The following TMEM178B variants were observed in gnomAD, a reference collection of about 807,000 sequenced individuals.
TMEM178B encodes the protein transmembrane protein 178B.
In TMEM178B, 5 loss-of-function variants were observed where a neutral mutation model predicts 31.0. That is an observed-to-expected ratio of 0.16 (90% CI 0.08 to 0.34). The LOEUF (loss-of-function observed/expected upper bound fraction) is 0.34, where lower values mean the gene tolerates loss of function less well. Among genes scored for constraint, TMEM178B ranks in the 10% least tolerant of loss-of-function variants. TMEM178B has a pLI of 1.00. For missense variants in TMEM178B, 275 were observed against 400.3 expected (o/e 0.69, Z 2.67); for synonymous variants, 164 against 164.0 (o/e 1.00, Z 0.00).
intron 2 of TMEM178B, among the ~76,000 whole-genome samples, chr7:141,434,069 C>T (rs978245534): frequency 6.6e-6 from 1 of 152,210 alleles, no homozygotes. Flanking sequence ...GAATTATTGT[C>T]TTCATTTTGC....
intron 2 of TMEM178B, among the ~76,000 whole-genome samples, chr7:141,250,345 T>A (rs1016908163): frequency 6.6e-6 from 1 of 152,182 alleles, no homozygotes; most frequent in Non-Finnish European, 1.5e-5. Flanking sequence ...AAAATTGAAG[T>A]GCAGAGAGCT....
chr7:141,375,801 C>A (rs1394607299), intron 2 of TMEM178B, among the ~76,000 whole-genome samples: 1 of 152,142 alleles, frequency 6.6e-6, no homozygotes, highest in Non-Finnish European at 1.5e-5. Flanking sequence ...GGCTCACTTA[C>A]AAGGGGAGAT....
At chr7:141,209,478 C>T (rs1355426364) in intron 1 of TMEM178B, among the ~76,000 whole-genome samples, 4 of 152,186 alleles carry the variant, frequency 2.6e-5, no homozygotes, top group Non-Finnish European at 4.4e-5. Flanking sequence ...GATTCTTTGC[C>T]CACTGCAGTC....
chr7:141,142,967 T>C (rs570914451), intron 1 of TMEM178B, among the ~76,000 whole-genome samples: 20 of 152,364 alleles, frequency 1.3e-4, no homozygotes, highest in Non-Finnish European at 2.4e-4. Flanking sequence ...ATTTCTTTGA[T>C]GATTAGTTAT....
intron 1 of TMEM178B, among the ~76,000 whole-genome samples, chr7:141,145,724 C>T (rs1206482118): frequency 6.6e-6 from 1 of 152,204 alleles, no homozygotes; most frequent in Non-Finnish European, 1.5e-5. Flanking sequence ...TAGTTTTAGG[C>T]CCCCTTAATG....
At chr7:141,231,310 G>GAAAAAAAAAA (rs770411127) in intron 2 of TMEM178B, among the ~76,000 whole-genome samples, 1 of 105,248 alleles carries the variant, frequency 9.5e-6, no homozygotes. Flanking sequence ...GAGCTCAAGA[G>GAAAAAAAAAA]AAGAAAAAAA....
intron 1 of TMEM178B, among the ~76,000 whole-genome samples, chr7:141,106,971 G>A (rs1008810562): frequency 6.6e-6 from 1 of 152,332 alleles, no homozygotes; most frequent in Middle Eastern, 3.4e-3. Flanking sequence ...ATGGATCAAG[G>A]TAAAGAACAT....
At chr7:141,403,868 T>TAG (rs1423079293) in intron 2 of TMEM178B, among the ~76,000 whole-genome samples, 1 of 152,242 alleles carries the variant, frequency 6.6e-6, no homozygotes, top group Non-Finnish European at 1.5e-5. Flanking sequence ...TTCACTACTT[T>TAG]GTCCCCTGCA....
At chr7:141,280,878 T>C (rs1798346537) in intron 2 of TMEM178B, among the ~76,000 whole-genome samples, 1 of 152,202 alleles carries the variant, frequency 6.6e-6, no homozygotes. Context: ...TTCTTGTTTT[T>C]TCCTGTTTTC....
At chr7:141,464,874 G>A (rs1802123263) in intron 3 of TMEM178B, among the ~76,000 whole-genome samples, 1 of 152,160 alleles carries the variant, frequency 6.6e-6, no homozygotes, top group Admixed American at 6.5e-5. Flanking sequence ...CTTACAGCCA[G>A]TGTGTGGAGC....
In TMEM178B at chr7:141,344,610, T is replaced by TCCTTCCTTCCTTCCTTCCTC. The variant is rs1172200141; in HGVS notation, c.497-92988_497-92969dup. ...TTCCTTCCTTCCTTCCTTCCTTCCT[T>TCCTTCCTTCCTTCCTTCCTC]CCTTCCTTCCTTCCTTCCTCCCTTC... On this transcript the variant is annotated intron_variant, in intron 2 of 3. Coordinates refer to ENST00000565468, the MANE Select transcript of TMEM178B (RefSeq NM_001195278.2). The surrounding 1 kb of genome is among the most constrained non-coding windows in gnomAD (Gnocchi z 4.1). 2.7e-4 allele frequency among the ~76,000 whole-genome samples: 38 copies of TCCTTCCTTCCTTCCTTCCTC among 138,440 alleles called. No individual in the cohort carries two copies. Among genetic ancestry groups the TCCTTCCTTCCTTCCTTCCTC allele is most frequent in the African/African-American group, 1.0e-3 (37 of 37,122 alleles). The allele number at this position is 138,440 out of a possible 152,430, so 90.8% of individuals were successfully genotyped here. A position where few individuals can be genotyped will look rare whatever the true frequency, so the allele number is the denominator to read the frequency against.
chr7:141,333,888 A>G (rs933508398), intron 2 of TMEM178B, among the ~76,000 whole-genome samples: 1 of 152,204 alleles, frequency 6.6e-6, no homozygotes, highest in African/African-American at 2.4e-5. Flanking sequence ...TTGCGCTCCT[A>G]TGAGAATCTA....
chr7:141,429,981 C>T (rs1293445038), intron 2 of TMEM178B: 1 of 152,214 alleles, frequency 6.6e-6, no homozygotes, highest in African/African-American at 2.4e-5. Context: ...CTCAGTCCTG[C>T]CCCATGTCTT....
chr7:141,076,813 T>C (rs1348860298), intron 1 of TMEM178B, among the ~76,000 whole-genome samples: 1 of 152,160 alleles, frequency 6.6e-6, no homozygotes, highest in Non-Finnish European at 1.5e-5. Context: ...CTAATGGAAA[T>C]GGTGTTCCCC....
At chr7:141,418,650 C>A (rs1206310933) in intron 2 of TMEM178B, among the ~76,000 whole-genome samples, 4 of 152,120 alleles carry the variant, frequency 2.6e-5, no homozygotes, top group African/African-American at 9.7e-5. Flanking sequence ...CCTTAAATGT[C>A]GGTATTCAAA....
intron 2 of TMEM178B, among the ~76,000 whole-genome samples, chr7:141,301,954 A>G (rs1050092621): frequency 1.2e-4 from 19 of 152,216 alleles, no homozygotes; most frequent in Non-Finnish European, 2.2e-4. Context: ...GGCTGGGTAC[A>G]GTAAAAAGTC....
chr7:141,389,202 A>G (rs909198784), intron 2 of TMEM178B, among the ~76,000 whole-genome samples: 191 of 152,348 alleles, frequency 1.3e-3, no homozygotes, highest in African/African-American at 3.4e-3. Context: ...TTCAAGAGGT[A>G]CAAGTACAGA....
downstream of TMEM178B, among the ~76,000 whole-genome samples, chr7:141,483,594 A>C (rs1207650058): frequency 1.3e-5 from 2 of 152,206 alleles, no homozygotes; most frequent in Non-Finnish European, 2.9e-5. Flanking sequence ...CCTCTGTCCC[A>C]TACCACTTTA....
In TMEM178B at chr7:141,171,783, C is replaced by A. The variant is rs1796352966; in HGVS notation, c.383-40808C>A. On this transcript the variant is annotated intron_variant, in intron 1 of 3. Coordinates refer to ENST00000565468, the MANE Select transcript of TMEM178B (RefSeq NM_001195278.2). This position sits in a 1 kb window ranked among gnomAD's most constrained non-coding sequence, Gnocchi z 4.3. ...TGTGCAAATGTGGGCCAGCTTAACA[C>A]CATGAACCCAGTGCCTAACACTGTG... is the stretch of plus-strand genomic sequence containing the variant. 6.6e-6 allele frequency among the ~76,000 whole-genome samples: 1 copy of A among 152,140 alleles called. No homozygotes were observed. Among genetic ancestry groups the A allele is most frequent in the African/African-American group, 2.4e-5 (1 of 41,420 alleles).
Sources: allele counts gnomAD v4.1 joint callset (sites outside exome capture counted in the v4.1 genomes callset), GRCh38; gene constraint gnomAD v4.1.1; non-coding constraint Gnocchi (gnomAD v3.1); transcripts MANE v1.5; gene names NCBI Gene and HGNC (gene_info 2026-07-23, HGNC 2026-07-21).